The following TFEC variants were observed in gnomAD, a reference collection of about 807,000 sequenced individuals.
TFEC encodes class E basic helix-loop-helix protein 34.
A neutral mutation model predicts 41.6 loss-of-function variants in TFEC; 31 were observed. That is an observed-to-expected ratio of 0.74 (90% CI 0.56 to 1.01). TFEC has a LOEUF of 1.01. Ranked by LOEUF, TFEC falls within the 50% of genes least tolerant of loss-of-function variation. TFEC has a pLI of 0.00. For missense variants in TFEC, 402 were observed against 404.1 expected, an observed-to-expected ratio of 0.99 and a Z score of 0.04; for synonymous variants, 143 against 140.6, an observed-to-expected ratio of 1.02 and a Z score of -0.12.
intron 3 of TFEC, among the ~76,000 whole-genome samples, chr7:116,062,574 T>C (rs1279714415): frequency 1.3e-5 from 1 of 74,372 alleles, no homozygotes; most frequent in African/African-American, 5.2e-5. Context: ...TATATATATA[T>C]ATATATATAT....
intron 6 of TFEC, 53 bp from the exon 7 acceptor site, chr7:115,942,093 T>C (rs531770102): frequency 5.3e-5 from 80 of 1,511,476 alleles, no homozygotes; most frequent in South Asian, 1.1e-4. Flanking sequence ...GCAGAATTCA[T>C]AAGAACTTAC....
intron 3 of TFEC, among the ~76,000 whole-genome samples, chr7:116,045,234 T>A (rs939376409): frequency 1.3e-5 from 2 of 152,194 alleles, no homozygotes; most frequent in African/African-American, 4.8e-5. Context: ...TGGTCTCAGA[T>A]GGAGATAAGG....
chr7:116,092,221 C>T (rs189079231), intron 3 of TFEC, among the ~76,000 whole-genome samples: 1 of 152,240 alleles, frequency 6.6e-6, no homozygotes, highest in East Asian at 1.9e-4. Flanking sequence ...TTTCACATTG[C>T]CCTAAGGTTC....
chr7:116,039,325 A>G (rs1355731318), intron 3 of TFEC, among the ~76,000 whole-genome samples: 1 of 152,086 alleles, frequency 6.6e-6, no homozygotes, highest in Non-Finnish European at 1.5e-5. Flanking sequence ...AAAGAGAAAA[A>G]TTATAGGAAG....
intron 1 of TFEC, among the ~76,000 whole-genome samples, chr7:116,130,360 CAT>C (rs1426172699): frequency 6.6e-6 from 1 of 152,086 alleles, no homozygotes; most frequent in Non-Finnish European, 1.5e-5. Flanking sequence ...TATAAGCAAA[CAT>C]GTAAGCAAAT....
chr7:115,989,092 T>C (rs1472237196), intron 1 of TFEC, among the ~76,000 whole-genome samples: 1 of 152,174 alleles, frequency 6.6e-6, no homozygotes, highest in African/African-American at 2.4e-5. Flanking sequence ...AGCCCTGCCT[T>C]ACAAGAAATG....
chr7:115,949,277 A>T (rs1791794153), intron 6 of TFEC, among the ~76,000 whole-genome samples: 1 of 152,098 alleles, frequency 6.6e-6, no homozygotes, highest in South Asian at 2.1e-4. Flanking sequence ...ATACTGCCCA[A>T]GGTAATTTAC....
chr7:115,987,704 T>C (rs967475916), intron 1 of TFEC, among the ~76,000 whole-genome samples: 9 of 152,098 alleles, frequency 5.9e-5, no homozygotes, highest in African/African-American at 9.7e-5. Flanking sequence ...TTCTTGTACA[T>C]AGCCCAGAGA....
At chr7:116,129,470 A>C (rs1404628738) in intron 1 of TFEC, among the ~76,000 whole-genome samples, 1 of 152,028 alleles carries the variant, frequency 6.6e-6, no homozygotes, top group Non-Finnish European at 1.5e-5. Flanking sequence ...CTGTGTATTA[A>C]AGATAATATA....
At chr7:116,146,322 G>A (rs574015444) in intron 1 of TFEC, among the ~76,000 whole-genome samples, 45 of 152,254 alleles carry the variant, frequency 3.0e-4, no homozygotes, top group African/African-American at 9.9e-4. Flanking sequence ...GTATAACAAA[G>A]AAAACCTACC....
intron 1 of TFEC, among the ~76,000 whole-genome samples, chr7:116,123,217 G>A (rs906404172): frequency 1.3e-5 from 2 of 152,208 alleles, no homozygotes; most frequent in Non-Finnish European, 2.9e-5. Context: ...ACTTGAACAA[G>A]ATGCATTGAA....
intron 6 of TFEC, among the ~76,000 whole-genome samples, chr7:115,942,886 C>A (rs551042306): frequency 4.6e-4 from 70 of 151,944 alleles, no homozygotes; most frequent in African/African-American, 1.6e-3. Context: ...GAGAATGAGT[C>A]CAAAGTAATT....
intron 1 of TFEC, among the ~76,000 whole-genome samples, chr7:116,023,262 TCA>T (rs1795467492): frequency 1.3e-5 from 2 of 152,128 alleles, no homozygotes; most frequent in Admixed American, 6.6e-5. Flanking sequence ...ACTTTGGATT[TCA>T]AAACAATAAA....
At chr7:115,949,155 C>A (rs1401119543) in intron 6 of TFEC, among the ~76,000 whole-genome samples, 7 of 152,032 alleles carry the variant, frequency 4.6e-5, no homozygotes, top group Admixed American at 2.6e-4. Context: ...ATGTGAAGGA[C>A]CTCTTCAAGG....
At chr7:116,130,887 T>G (rs1281158370) in intron 1 of TFEC, among the ~76,000 whole-genome samples, 9 of 152,178 alleles carry the variant, frequency 5.9e-5, no homozygotes, top group Admixed American at 2.6e-4. Context: ...ACTGGGATTA[T>G]AGGCATGAGC....
intron 1 of TFEC, among the ~76,000 whole-genome samples, chr7:116,011,655 A>G (rs1795005424): frequency 6.6e-6 from 1 of 152,042 alleles, no homozygotes; most frequent in South Asian, 2.1e-4. Flanking sequence ...TTATGGATTG[A>G]TGTGGTTTTG....
chr7:116,110,935 G>A, intron 2 of TFEC: 1 of 1,452,584 alleles, frequency 6.9e-7, no homozygotes, highest in South Asian at 1.5e-5. Context: ...CACTATTAGT[G>A]GATTTGGAAA....
At chr7:116,145,919 C>T (rs1798631915) in intron 1 of TFEC, among the ~76,000 whole-genome samples, 1 of 152,158 alleles carries the variant, frequency 6.6e-6, no homozygotes, top group Admixed American at 6.5e-5. Context: ...TCAACTATCA[C>T]TATTTCCTTT....
intron 6 of TFEC, among the ~76,000 whole-genome samples, chr7:115,949,183 C>A (rs1485498022): frequency 6.6e-6 from 1 of 152,018 alleles, no homozygotes; most frequent in Admixed American, 6.6e-5. Context: ...CAAACAACTG[C>A]TCAAGGAAAT....
Sources: gnomAD v4.1 joint callset for allele counts (sites outside exome capture counted in the v4.1 genomes callset) on GRCh38, gnomAD v4.1.1 for gene constraint, MANE v1.5 for transcripts, NCBI Gene and HGNC (gene_info 2026-07-23, HGNC 2026-07-21) for gene names.